Variants in DNAJC24 observed in about 807,000 individuals in gnomAD.
DNAJC24 encodes the protein DnaJ heat shock protein family (Hsp40) member C24.
In DNAJC24, 17 loss-of-function variants were observed where a neutral mutation model predicts 18.0. The ratio of observed to expected loss-of-function variants is 0.94; its 90% CI spans 0.65 to 1.42. DNAJC24 has a LOEUF of 1.42. Ranked by LOEUF, DNAJC24 falls within the 40% of genes most tolerant of loss-of-function variation. DNAJC24 has a pLI of 0.00. For missense variants in DNAJC24, 158 were observed against 175.6 expected, an observed-to-expected ratio of 0.90 and a Z score of 0.57; for synonymous variants, 55 against 57.7, an observed-to-expected ratio of 0.95 and a Z score of 0.21.
chr11:31,382,201 A>G (rs1405522432), intron 2 of DNAJC24, among the ~76,000 whole-genome samples: 1 of 152,190 alleles, frequency 6.6e-6, no homozygotes, highest in African/African-American at 2.4e-5. Flanking sequence ...GAGGCTGTAT[A>G]TATAGCACAG....
At chr11:31,427,934 G>GAT (rs1952879391) in intron 4 of DNAJC24, 1 of 145,250 alleles carries the variant, frequency 6.9e-6, no homozygotes, top group South Asian at 2.1e-4. Flanking sequence ...GGCAACATAG[G>GAT]AAGACTGTGA....
chr11:31,385,674 T>C (rs1952421998), intron 2 of DNAJC24, among the ~76,000 whole-genome samples: 1 of 152,212 alleles, frequency 6.6e-6, no homozygotes, highest in African/African-American at 2.4e-5. Flanking sequence ...GTGTTCTTTT[T>C]TTCCTCCCTC....
At position 31,432,093 on chromosome 11, in the gene DNAJC24, C is replaced by G. The variant is rs1952930818; in HGVS notation, c.*1692C>G. Among the ~76,000 whole-genome samples the G allele has an allele frequency of 6.6e-6, 1 of 152,104 alleles. No homozygotes were observed. Among genetic ancestry groups the G allele is most frequent in the South Asian group, 2.1e-4 (1 of 4,818 alleles). ...GTGGGCTGAGCATGTAGACTAGCAG[C>G]TTTTTATCAAACCTGGCATTGTCAG... On this transcript the variant is annotated 3_prime_UTR_variant, in exon 5 of 5. Transcript: ENST00000465995.
chr11:31,424,495 A>T (rs978414378), intron 3 of DNAJC24, among the ~76,000 whole-genome samples: 2 of 152,166 alleles, frequency 1.3e-5, no homozygotes, highest in South Asian at 2.1e-4. Context: ...AGAATTTTTT[A>T]AAAATAGGAG....
chr11:31,432,351 G>T lies in DNAJC24; in HGVS notation c.*1950G>T. 1.8e-6 allele frequency: 1 copy of T among 552,514 alleles called. No homozygotes were observed. The highest frequency in any genetic ancestry group is 3.2e-6 in the Non-Finnish European group (1 of 311,324). The allele number at this position is 552,514 out of a possible 1,614,324, so 34.2% of individuals were successfully genotyped here. On this transcript the variant is annotated 3_prime_UTR_variant, in exon 5 of 5. Coordinates refer to ENST00000465995, the MANE Select transcript of DNAJC24 (RefSeq NM_181706.5). ...TATTTTGAACTAACAGAACTTGGCA[G>T]AATGTGTGTTGAATATTCTTTACAT... is the stretch of plus-strand genomic sequence containing the variant.
At chr11:31,384,766 G>A (rs763191559) in intron 2 of DNAJC24, 14 of 152,188 alleles carry the variant, frequency 9.2e-5, no homozygotes, top group Non-Finnish European at 2.1e-4. Flanking sequence ...TCAGCCAAGA[G>A]TGTGGAACAT....
intron 2 of DNAJC24, among the ~76,000 whole-genome samples, chr11:31,393,191 C>T (rs989211533): frequency 7.9e-5 from 12 of 152,170 alleles, no homozygotes; most frequent in African/African-American, 2.7e-4. Context: ...TCTTTCTACC[C>T]CTAACCAGAG....
rs3979423 is a variant in DNAJC24, at chr11:31,403,125, A to ATGTGTGTGTG, written c.112-11660_112-11651dup. Among the ~76,000 whole-genome samples, 1,025 of 146,668 alleles carry ATGTGTGTGTG rather than the reference A, an allele frequency of 7.0e-3. 9 individuals carry two copies. The highest frequency in any genetic ancestry group is 0.016 in the African/African-American group (635 of 39,632). Reference sequence around the variant, plus strand: ...CTTTTCAGTTAATATGCATATATGCATGTGTGTGTGTGTGTGTGTGTGTGT... The same window carrying ATGTGTGTGTG: ...CTTTTCAGTTAATATGCATATATGCATGTGTGTGTGTGTGTGTGTGTGTGTGTGTGTGTGT... On this transcript the variant is annotated intron_variant, in intron 2 of 4. Transcript: ENST00000465995.
At chr11:31,371,036 A>G (rs377215453) in intron 2 of DNAJC24, among the ~76,000 whole-genome samples, 177 bp downstream of exon 2, 10 of 152,326 alleles carry the variant, frequency 6.6e-5, no homozygotes, top group East Asian at 5.8e-4. Context: ...GTGGAAAAGC[A>G]TGGTTAGGAG....
At chr11:31,406,750 G>T (rs1264346171) in intron 2 of DNAJC24, among the ~76,000 whole-genome samples, 2 of 152,106 alleles carry the variant, frequency 1.3e-5, no homozygotes, top group African/African-American at 4.8e-5. Flanking sequence ...AGGAGCTAAT[G>T]TTGGTCTGTA....
intron 2 of DNAJC24, among the ~76,000 whole-genome samples, chr11:31,402,929 G>C (rs1952614838): frequency 6.6e-6 from 1 of 152,118 alleles, no homozygotes; most frequent in Non-Finnish European, 1.5e-5. Context: ...GAATTTTTTA[G>C]CTCCATTATA....
At chr11:31,390,123 G>A (rs1952474642) in intron 2 of DNAJC24, among the ~76,000 whole-genome samples, 1 of 152,108 alleles carries the variant, frequency 6.6e-6, no homozygotes, top group African/African-American at 2.4e-5. Context: ...AATCAAGCTG[G>A]GCACAGTGGC....
intron 4 of DNAJC24, among the ~76,000 whole-genome samples, chr11:31,428,372 A>G (rs1284924882): frequency 1.3e-5 from 2 of 152,220 alleles, no homozygotes; most frequent in Non-Finnish European, 2.9e-5. Context: ...GAGCTACATG[A>G]AACCATTATT....
rs1255718955 is a variant in DNAJC24, at chr11:31,432,408, C to G, written c.*2007C>G. The G allele has an allele frequency of 3.6e-6, 3 of 830,164 alleles. No homozygotes were observed. Among genetic ancestry groups the G allele is most frequent in the African/African-American group, 3.4e-5 (2 of 58,674 alleles). The allele number at this position is 830,164 out of a possible 1,614,324, so 51.4% of individuals were successfully genotyped here. Reference sequence around the variant, plus strand: ...ATTAAAAACAACTAAAACTGAATAGCAAATAGTTTATTGGTAAGTACACGG... The same window carrying G: ...ATTAAAAACAACTAAAACTGAATAGGAAATAGTTTATTGGTAAGTACACGG... On this transcript the variant is annotated 3_prime_UTR_variant, in exon 5 of 5. Coordinates refer to ENST00000465995, the MANE Select transcript of DNAJC24 (RefSeq NM_181706.5).
At chr11:31,390,395 CAA>C (rs370680501) in intron 2 of DNAJC24, among the ~76,000 whole-genome samples, 792 of 48,510 alleles carry the variant, frequency 0.016, 4 homozygotes, top group African/African-American at 0.063. Context: ...GACTCTATCT[CAA>C]AAAAAAAAAA....
rs560612586 is a variant in DNAJC24, at chr11:31,373,570, C to T, written c.111+2711C>T. Among the ~76,000 whole-genome samples the T allele has an allele frequency of 3.0e-5, 4 of 134,976 alleles. 1 individual carries two copies. Among genetic ancestry groups the T allele is most frequent in the Admixed American group, 2.3e-4 (3 of 13,162 alleles). 88.5% of individuals were successfully genotyped at this position (134,976 alleles called of 152,430 possible). ...ATTATCCTTCTTTTCCAGTTTATTT[C>T]GGTTATTCTAGTTTGCTTATATTTC... On this transcript the variant is annotated intron_variant, in intron 2 of 4. Transcript: ENST00000465995.
intron 2 of DNAJC24, among the ~76,000 whole-genome samples, chr11:31,394,251 A>G (rs1004698527): frequency 2.0e-5 from 3 of 152,208 alleles, no homozygotes; most frequent in South Asian, 4.1e-4. Flanking sequence ...ATAGACTGTG[A>G]AAAGGATACT....
At chr11:31,396,898 C>T (rs1036639668) in intron 2 of DNAJC24, among the ~76,000 whole-genome samples, 14 of 152,262 alleles carry the variant, frequency 9.2e-5, no homozygotes, top group South Asian at 4.2e-4. Flanking sequence ...TTCTGCTTTT[C>T]GTAACTCTAA....
intron 2 of DNAJC24, among the ~76,000 whole-genome samples, chr11:31,385,517 C>T (rs576423435): frequency 2.0e-5 from 3 of 152,334 alleles, no homozygotes; most frequent in East Asian, 3.9e-4. Flanking sequence ...AATTTAATCA[C>T]TTACTGTCCC....
Sources: gnomAD v4.1 joint callset for allele counts (sites outside exome capture counted in the v4.1 genomes callset) on GRCh38, gnomAD v4.1.1 for gene constraint, MANE v1.5 for transcripts, NCBI Gene and HGNC (gene_info 2026-07-23, HGNC 2026-07-21) for gene names.